The following FXR1 variants were observed in gnomAD, a reference collection of about 807,000 sequenced individuals.
The protein encoded by FXR1 is RNA-binding protein FXR1.
In FXR1, 15 loss-of-function variants were observed where a neutral mutation model predicts 84.0. That is an observed-to-expected ratio of 0.18 (90% CI 0.12 to 0.27). The LOEUF (loss-of-function observed/expected upper bound fraction) is 0.27. FXR1 is among the 10% of genes least tolerant of loss of function. The pLI is 1.00. For synonymous variants in FXR1, 245 were observed against 250.7 expected, an observed-to-expected ratio of 0.98 and a Z score of 0.21; for missense variants, 480 against 774.4, an observed-to-expected ratio of 0.62 and a Z score of 4.51.
intron 8 of FXR1, among the ~76,000 whole-genome samples, chr3:180,952,319 G>A (rs2108470552): frequency 6.6e-6 from 1 of 152,210 alleles, no homozygotes; most frequent in South Asian, 2.1e-4. Flanking sequence ...CTTATGAACA[G>A]CTGCTTTCAC....
rs1211678588 is a variant in FXR1 at position 180,979,417 on chromosome 3, T to G, written c.*3125T>G. 3 of 152,124 alleles carry G rather than the reference T, an allele frequency of 2.0e-5. No individual in the cohort carries two copies. The highest frequency in any genetic ancestry group is 7.2e-5 in the African/African-American group (3 of 41,450). 9.4% of individuals were successfully genotyped at this position (152,124 alleles called of 1,614,324 possible). On this transcript the variant is annotated 3_prime_UTR_variant, in exon 17 of 17. Coordinates refer to ENST00000357559, the MANE Select transcript of FXR1 (RefSeq NM_005087.4). ...ACTTGGATTTGAACTGTGAATCTAC[T>G]GTTTTGGCAAAAAATCTCAAAGAAA... is the stretch of plus-strand genomic sequence containing the variant.
intron 1 of FXR1, among the ~76,000 whole-genome samples, chr3:180,920,665 C>T (rs577948554): frequency 6.6e-6 from 1 of 152,086 alleles, no homozygotes; most frequent in African/African-American, 2.4e-5. Flanking sequence ...CCATGCACCA[C>T]CACGCCCGGC....
chr3:180,965,798 A>AT, intron 13 of FXR1, among the ~76,000 whole-genome samples: 1 of 152,204 alleles, frequency 6.6e-6, no homozygotes, highest in Non-Finnish European at 1.5e-5. Flanking sequence ...ATACATTAAA[A>AT]TTTTGGGGGG....
At chr3:180,915,637 C>T (rs1228637967) in intron 1 of FXR1, 2 of 725,166 alleles carry the variant, frequency 2.8e-6, no homozygotes, top group South Asian at 1.5e-5. Flanking sequence ...TACAGGTGAT[C>T]TGAATTTCCC....
intron 3 of FXR1, among the ~76,000 whole-genome samples, chr3:180,946,101 A>G (rs1721669487): frequency 6.6e-6 from 1 of 152,198 alleles, no homozygotes; most frequent in Non-Finnish European, 1.5e-5. Flanking sequence ...ATGAGTGAAA[A>G]AAATTCATAA....
chr3:180,954,009 C>G lies in FXR1; in HGVS notation c.880+169C>G, dbSNP rs1722492803. On this transcript the variant is annotated intron_variant, in intron 9 of 16. Coordinates refer to ENST00000357559, the MANE Select transcript of FXR1 (RefSeq NM_005087.4). ...TTTTTGGTGATAACATTTTGTGTAA[C>G]TTGTTATTGTCATATGTTAAAAAGT... The G allele has an allele frequency of 1.1e-5, 6 of 544,114 alleles. No homozygotes were observed. The South Asian group carries it at 1.5e-4, about 14-fold the overall frequency. 33.7% of individuals were successfully genotyped at this position (544,114 alleles called of 1,614,324 possible). A position where few individuals can be genotyped will look rare whatever the true frequency, so the allele number is the denominator to read the frequency against.
chr3:180,957,425 A>C (rs1439956526), intron 9 of FXR1: 4 of 154,018 alleles, frequency 2.6e-5, no homozygotes, highest in African/African-American at 9.6e-5. Context: ...TTTGCTACTT[A>C]TGTGAATTAA....
chr3:180,964,762 T>A (rs1475881863), intron 13 of FXR1, among the ~76,000 whole-genome samples: 7 of 150,296 alleles, frequency 4.7e-5, no homozygotes, highest in Non-Finnish European at 8.9e-5. Flanking sequence ...CAGTATAACA[T>A]CTCTGAAGTT....
intron 1 of FXR1, among the ~76,000 whole-genome samples, chr3:180,932,418 A>C (rs575182150): frequency 6.6e-6 from 1 of 152,336 alleles, no homozygotes; most frequent in East Asian, 1.9e-4. Context: ...ATTTAATGTT[A>C]ATTGTAATTA....
At chr3:180,964,298 C>T (rs1712515529) in intron 13 of FXR1, among the ~76,000 whole-genome samples, 1 of 152,144 alleles carries the variant, frequency 6.6e-6, no homozygotes, top group African/African-American at 2.4e-5. Context: ...AATATATTCT[C>T]ATTGATTTTT....
intron 10 of FXR1, among the ~76,000 whole-genome samples, chr3:180,959,978 C>G (rs1368734110): frequency 2.6e-5 from 4 of 152,130 alleles, no homozygotes; most frequent in African/African-American, 9.7e-5. Context: ...CTAAACCATT[C>G]TGTTTAACTG....
Position 180,914,937 on chromosome 3 carries a change from A to G in FXR1, c.51+2201A>G. ...CTGTGGTCTTCAGAACTCTGGAAGAATGAGAATGGCGGAGTGGAAAAGAGT... is the reference window on the plus strand; with the variant it reads ...CTGTGGTCTTCAGAACTCTGGAAGAGTGAGAATGGCGGAGTGGAAAAGAGT... On this transcript the variant is annotated intron_variant, in intron 1 of 16. Transcript: ENST00000357559. 1.1e-5 allele frequency: 11 copies of G among 985,086 alleles called. No individual in the cohort carries two copies. The South Asian group carries it at 2.8e-4, about 25-fold the overall frequency. 61.0% of individuals were successfully genotyped at this position (985,086 alleles called of 1,614,324 possible).
intron 13 of FXR1, among the ~76,000 whole-genome samples, chr3:180,965,427 G>T (rs1486849933): frequency 6.6e-6 from 1 of 152,136 alleles, no homozygotes; most frequent in Non-Finnish European, 1.5e-5. Context: ...TAGAGTATTT[G>T]TTTTCTATTG....
chr3:180,971,003 A>C, intron 15 of FXR1: 1 of 340,140 alleles, frequency 2.9e-6, no homozygotes, highest in Non-Finnish European at 4.7e-6. Flanking sequence ...TAAATCTTTG[A>C]AGGAAAGAAG....
chr3:180,957,734 A>G, intron 9 of FXR1, 85 bp from the exon 10 acceptor site: 1 of 633,680 alleles, frequency 1.6e-6, no homozygotes, highest in Non-Finnish European at 2.8e-6. Context: ...ATTTAGTAGC[A>G]AGTTACAAAT....
At chr3:180,925,376 T>C (rs1576901446) in intron 1 of FXR1, among the ~76,000 whole-genome samples, 1 of 142,246 alleles carries the variant, frequency 7.0e-6, no homozygotes, top group Admixed American at 7.1e-5. Context: ...AAAAAAAAAG[T>C]ACATTCCTCT....
intron 1 of FXR1, among the ~76,000 whole-genome samples, chr3:180,919,517 C>T (rs950893050): frequency 6.6e-6 from 1 of 151,964 alleles, no homozygotes; most frequent in African/African-American, 2.4e-5. Flanking sequence ...CTCCTAACCT[C>T]AAATGTTCCA....
At chr3:180,920,490 C>T (rs1392766779) in intron 1 of FXR1, among the ~76,000 whole-genome samples, 2 of 150,968 alleles carry the variant, frequency 1.3e-5, no homozygotes, top group East Asian at 1.9e-4. Flanking sequence ...TTAAACTCTG[C>T]AACGAGAAAG....
chr3:180,967,523 A>G (rs1446873207), intron 13 of FXR1, among the ~76,000 whole-genome samples: 1 of 151,664 alleles, frequency 6.6e-6, no homozygotes, highest in African/African-American at 2.4e-5. Context: ...ACATTTGACT[A>G]TCCATACTAA....
Sources: gnomAD v4.1 joint callset for allele counts (sites outside exome capture counted in the v4.1 genomes callset) on GRCh38, gnomAD v4.1.1 for gene constraint, MANE v1.5 for transcripts, NCBI Gene and HGNC (gene_info 2026-07-23, HGNC 2026-07-21) for gene names.